BBS4: variants seen among roughly 807,000 people sequenced by gnomAD.
BBS4 encodes the protein BBSome complex member BBS4.
Under a neutral mutation model 71.4 loss-of-function variants are expected in BBS4, and 58 were observed. The observed-to-expected ratio is 0.81, with a 90% CI of 0.66 to 1.01. The LOEUF is 1.01. Ranked by LOEUF, BBS4 falls within the 50% of genes least tolerant of loss-of-function variation. BBS4 has a pLI of 0.00. For synonymous variants in BBS4, 228 were observed against 216.8 expected (o/e 1.05, Z -0.46); for missense variants, 660 against 607.9 (o/e 1.09, Z -0.90).
Position 72,737,564 on chromosome 15 carries a change from T to A in BBS4, c.1537T>A (p.Ser513Thr). Residue 513 changes from serine to threonine, a missense_variant, in exon 16 of 16, where the codon TCA (serine) becomes ACA (threonine). Coordinates refer to ENST00000268057, the MANE Select transcript of BBS4 (RefSeq NM_033028.5). ...PAVESSPTET[S>T]EQIREK ...GGTGGAATCAAGTCCAACTGAAACA[T>A]CAGAACAAATAAGAGAGAAATAAGA... 1 of 1,610,162 alleles carries A rather than the reference T, an allele frequency of 6.2e-7. No homozygotes were observed. The highest frequency in any genetic ancestry group is 1.1e-5 in the South Asian group (1 of 89,986).
intron 2 of BBS4, among the ~76,000 whole-genome samples, chr15:72,708,882 G>A (rs1258175401): frequency 6.6e-6 from 1 of 152,110 alleles, no homozygotes; most frequent in Non-Finnish European, 1.5e-5. Context: ...GTAAATTTGA[G>A]GTCAGATCAG....
At chr15:72,698,440 C>G (rs886891367) in intron 2 of BBS4, among the ~76,000 whole-genome samples, 3 of 152,158 alleles carry the variant, frequency 2.0e-5, no homozygotes, top group Non-Finnish European at 2.9e-5. Flanking sequence ...TTTTCTGTAT[C>G]TATGAATTTG....
At chr15:72,704,331 C>T (rs939868587) in intron 2 of BBS4, 1 of 709,702 alleles carries the variant, frequency 1.4e-6, no homozygotes, top group African/African-American at 1.9e-5. Context: ...CTCTGCTCTG[C>T]ATTTACATGC....
chr15:72,731,236 A>G (rs2065813753), intron 10 of BBS4, 69 bp from the exon 11 acceptor site: 1 of 1,603,180 alleles, frequency 6.2e-7, no homozygotes, highest in East Asian at 2.2e-5. Flanking sequence ...GTATAGACTC[A>G]GGAAAGCTGC....
Position 72,738,340 on chromosome 15 carries a change from TA to T in BBS4, c.*755del, listed in dbSNP as rs756710245. ...AATTGTTATTGAAGATAGTCAGTGA[TA>T]ACCACTGACCAGATGCTATCAATAC... On this transcript the variant is annotated 3_prime_UTR_variant, in exon 16 of 16. Transcript: ENST00000268057. The T allele has an allele frequency of 2.2e-6, 1 of 454,056 alleles. No individual in the cohort carries two copies. Among genetic ancestry groups the T allele is most frequent in the South Asian group, 1.6e-5 (1 of 64,454 alleles). 28.1% of individuals were successfully genotyped at this position (454,056 alleles called of 1,614,324 possible). A position where few individuals can be genotyped will look rare whatever the true frequency, so the allele number is the denominator to read the frequency against.
chr15:72,697,726 G>A (rs2151000531), intron 2 of BBS4, among the ~76,000 whole-genome samples: 1 of 152,290 alleles, frequency 6.6e-6, no homozygotes, highest in Middle Eastern at 3.4e-3. Context: ...GAGAATGGAT[G>A]TTGTGCCTCT....
chr15:72,727,517 T>C (rs1427594919), intron 8 of BBS4, among the ~76,000 whole-genome samples: 1 of 152,080 alleles, frequency 6.6e-6, no homozygotes, highest in Non-Finnish European at 1.5e-5. Context: ...CTAAATTACA[T>C]AGAAAATTAT....
At chr15:72,701,929 C>A (rs558868369) in intron 2 of BBS4, among the ~76,000 whole-genome samples, 28 of 152,220 alleles carry the variant, frequency 1.8e-4, no homozygotes, top group African/African-American at 6.7e-4. Context: ...CCTTTGCCTC[C>A]CGGATTCAAG....
chr15:72,738,254 G>A lies in BBS4; in HGVS notation c.*667G>A. The A allele has an allele frequency of 2.2e-6, 1 of 453,998 alleles. No individual in the cohort carries two copies. The highest frequency in any genetic ancestry group is 4.4e-6 in the Non-Finnish European group (1 of 226,778). 28.1% of individuals were successfully genotyped at this position (453,998 alleles called of 1,614,324 possible). On this transcript the variant is annotated 3_prime_UTR_variant, in exon 16 of 16. Transcript: ENST00000268057. ...TATCAGGATGAGGAGCAGCAGCCCAGGGCTTGTCTGGATCAGCACCAACGA... is the reference window on the plus strand; with the variant it reads ...TATCAGGATGAGGAGCAGCAGCCCAAGGCTTGTCTGGATCAGCACCAACGA...
At chr15:72,690,001 G>A (rs1222369794) in intron 1 of BBS4, among the ~76,000 whole-genome samples, 3 of 151,848 alleles carry the variant, frequency 2.0e-5, no homozygotes, top group Non-Finnish European at 2.9e-5. Flanking sequence ...TAGTAGAGAC[G>A]GGGTTTCACC....
At chr15:72,709,315 G>A (rs1193484854) in intron 2 of BBS4, among the ~76,000 whole-genome samples, 1 of 152,204 alleles carries the variant, frequency 6.6e-6, no homozygotes, top group Non-Finnish European at 1.5e-5. Flanking sequence ...TTGGGGGCAG[G>A]TTCCCCTGAT....
At chr15:72,696,860 G>A (rs141622780) in intron 2 of BBS4, among the ~76,000 whole-genome samples, 1 of 152,210 alleles carries the variant, frequency 6.6e-6, no homozygotes, top group Non-Finnish European at 1.5e-5. Context: ...TGAAGTACTG[G>A]CATTACAGGC....
chr15:72,704,265 C>T (rs1426667668), intron 2 of BBS4, among the ~76,000 whole-genome samples: 1 of 152,156 alleles, frequency 6.6e-6, no homozygotes, highest in Non-Finnish European at 1.5e-5. Flanking sequence ...GTAACATAGG[C>T]TCCTGAAATG....
At chr15:72,723,773 G>C (rs1210361411) in intron 7 of BBS4, among the ~76,000 whole-genome samples, 1 of 152,108 alleles carries the variant, frequency 6.6e-6, no homozygotes, top group African/African-American at 2.4e-5. Context: ...TTATATACTT[G>C]GTTAGGAGAT....
At chr15:72,694,960 T>A (rs1231988120) in intron 1 of BBS4, among the ~76,000 whole-genome samples, 1 of 152,226 alleles carries the variant, frequency 6.6e-6, no homozygotes, top group African/African-American at 2.4e-5. Flanking sequence ...GTAAATATTA[T>A]AAATATGTGT....
At chr15:72,705,865 G>GT (rs2065255837) in intron 2 of BBS4, among the ~76,000 whole-genome samples, 1 of 151,916 alleles carries the variant, frequency 6.6e-6, no homozygotes, top group African/African-American at 2.4e-5. Context: ...GGTTACAGGC[G>GT]TAAACCACTA....
intron 8 of BBS4, 71 bp from the exon 9 acceptor site, chr15:72,727,869 A>C (rs1438731913): frequency 8.6e-7 from 1 of 1,156,652 alleles, no homozygotes; most frequent in South Asian, 1.2e-5. Context: ...GCACGAGGGC[A>C]TATTACTGTG....
At chr15:72,737,223 A>G (rs573917430) in intron 15 of BBS4, 16 of 612,260 alleles carry the variant, frequency 2.6e-5, no homozygotes, top group East Asian at 1.7e-4. Context: ...ATATGTTATT[A>G]AGTATATCCT....
At chr15:72,718,498 T>A (rs1332922603) in intron 6 of BBS4, among the ~76,000 whole-genome samples, 2 of 152,238 alleles carry the variant, frequency 1.3e-5, no homozygotes, top group Non-Finnish European at 2.9e-5. Flanking sequence ...TAGCATGGAT[T>A]TCCTTTGCAG....
Sources: gnomAD v4.1 joint callset for allele counts (sites outside exome capture counted in the v4.1 genomes callset) on GRCh38, gnomAD v4.1.1 for gene constraint, MANE v1.5 for transcripts, NCBI Gene and HGNC (gene_info 2026-07-23, HGNC 2026-07-21) for gene names.